Variants in LRP2 observed in about 807,000 individuals in gnomAD.
LRP2 encodes LDL receptor related protein 2.
Under a neutral mutation model 531.0 loss-of-function variants are expected in LRP2, and 172 were observed. That is an observed-to-expected ratio of 0.32 (90% CI 0.29 to 0.37). The LOEUF is 0.37. LRP2 is among the 10% of genes least tolerant of loss of function. LRP2 has a pLI of 1.00. For missense variants in LRP2, 5,167 were observed against 5,868.3 expected (o/e 0.88, Z 3.90); for synonymous variants, 1,992 against 2,027.6 (o/e 0.98, Z 0.47).
chr2:169,139,165 A>G (rs1685627380), intron 74 of LRP2, 86 bp downstream of exon 74: 1 of 1,597,578 alleles, frequency 6.3e-7, no homozygotes, highest in African/African-American at 1.3e-5. Flanking sequence ...TGCTTTTTTA[A>G]CTTAGAAAGA....
chr2:169,275,917 A>T (rs1683540577), intron 13 of LRP2, among the ~76,000 whole-genome samples: 1 of 152,110 alleles, frequency 6.6e-6, no homozygotes, highest in Non-Finnish European at 1.5e-5. Context: ...GCCCCCCGTG[A>T]CTATGTCTCC....
chr2:169,259,871 A>G (rs1690476934), intron 16 of LRP2, among the ~76,000 whole-genome samples: 1 of 152,066 alleles, frequency 6.6e-6, no homozygotes, highest in African/African-American at 2.4e-5. Flanking sequence ...TTGCAGTAGG[A>G]AGAAAAAATC....
chr2:169,194,042 A>C, intron 46 of LRP2, 150 bp from the exon 47 acceptor site: 1 of 830,912 alleles, frequency 1.2e-6, no homozygotes, highest in Admixed American at 2.0e-5. Flanking sequence ...CAATAAGACT[A>C]GTACCAGCGA....
intron 1 of LRP2, among the ~76,000 whole-genome samples, chr2:169,328,259 G>T (rs1574262891): frequency 8.8e-6 from 1 of 113,476 alleles, no homozygotes; most frequent in Admixed American, 8.3e-5. Context: ...CGCCCCGCCC[G>T]GCCAGCCGCC....
In LRP2 at chr2:169,231,845, G is replaced by A. The variant is rs766473797; in HGVS notation, c.5099-3C>T. ...GGAAAAGGCACATGGATTCACGGCTGCATGAGAAAGAGAAGAAAGCACCAG... is the reference window on the plus strand; with the variant it reads ...GGAAAAGGCACATGGATTCACGGCTACATGAGAAAGAGAAGAAAGCACCAG... On this transcript the variant is annotated splice_region_variant and splice_polypyrimidine_tract_variant and intron_variant, in intron 30 of 78. Transcript: ENST00000649046. The A allele has an allele frequency of 9.3e-6, 15 of 1,613,888 alleles. 1 individual carries two copies. The East Asian group carries it at 3.1e-4, about 34-fold the overall frequency.
At chr2:169,174,270 G>C in intron 55 of LRP2, 106 bp from the exon 56 acceptor site, 3 of 1,402,946 alleles carry the variant, frequency 2.1e-6, no homozygotes, top group Non-Finnish European at 3.0e-6. Context: ...TCTTTTTAGA[G>C]GACTTATTTC....
At chr2:169,268,104 G>T (rs62173962) in intron 16 of LRP2, among the ~76,000 whole-genome samples, 6,643 of 152,214 alleles carry the variant, frequency 0.044, 195 homozygotes, top group South Asian at 0.11. Context: ...TGAAATTGAG[G>T]CAATAATTAA....
intron 16 of LRP2, among the ~76,000 whole-genome samples, chr2:169,267,810 T>G (rs1303437350): frequency 6.6e-6 from 1 of 151,972 alleles, no homozygotes; most frequent in Non-Finnish European, 1.5e-5. Context: ...AATCAATGAA[T>G]CCAGGAGCTG....
chr2:169,182,488 G>C, intron 50 of LRP2, 169 bp from the exon 51 acceptor site: 1 of 1,513,220 alleles, frequency 6.6e-7, no homozygotes, highest in Non-Finnish European at 8.8e-7. Context: ...TCTTCCTGCA[G>C]TGAGGCAACA....
chr2:169,157,808 ACT>A (rs1023805556), intron 63 of LRP2, among the ~76,000 whole-genome samples: 1 of 151,902 alleles, frequency 6.6e-6, no homozygotes, highest in Non-Finnish European at 1.5e-5. Flanking sequence ...GAAGCCTGAC[ACT>A]CTACAGCTAT....
chr2:169,266,427 A>G (rs1690803159), intron 16 of LRP2, among the ~76,000 whole-genome samples: 1 of 152,012 alleles, frequency 6.6e-6, no homozygotes, highest in South Asian at 2.1e-4. Context: ...ATAAAATGAT[A>G]TCCAACATTT....
chr2:169,255,546 G>A (rs149691909), intron 19 of LRP2, among the ~76,000 whole-genome samples: 1 of 152,242 alleles, frequency 6.6e-6, no homozygotes, highest in Non-Finnish European at 1.5e-5. Context: ...ATGTCTTGCT[G>A]TTCTTCATAA....
intron 18 of LRP2, among the ~76,000 whole-genome samples, chr2:169,256,502 A>C (rs185581434): frequency 3.3e-5 from 5 of 152,156 alleles, no homozygotes; most frequent in African/African-American, 1.2e-4. Context: ...CTCCTTGTGA[A>C]ATCAACAAGT....
At chr2:169,240,726 G>A (rs528684768) in intron 25 of LRP2, 1 of 575,582 alleles carries the variant, frequency 1.7e-6, no homozygotes, top group African/African-American at 1.9e-5. Context: ...CAATCTAATG[G>A]CCTCAATTTA....
intron 1 of LRP2, among the ~76,000 whole-genome samples, chr2:169,333,559 T>C (rs1329930678): frequency 6.6e-6 from 1 of 152,110 alleles, no homozygotes; most frequent in Non-Finnish European, 1.5e-5. Context: ...GTACTTCTTA[T>C]CCTACAATCA....
At chr2:169,323,277 G>A (rs1301370592) in intron 1 of LRP2, among the ~76,000 whole-genome samples, 1 of 152,102 alleles carries the variant, frequency 6.6e-6, no homozygotes, top group Non-Finnish European at 1.5e-5. Flanking sequence ...TAACTTCGAT[G>A]CCTGTTTATA....
At chr2:169,350,551 C>T (rs1685819426) in intron 1 of LRP2, among the ~76,000 whole-genome samples, 1 of 151,696 alleles carries the variant, frequency 6.6e-6, no homozygotes, top group African/African-American at 2.4e-5. Flanking sequence ...TGGCAAAACC[C>T]CATCTCTACA....
chr2:169,220,363 G>A (rs1457246892), intron 34 of LRP2, 91 bp downstream of exon 34: 3 of 909,010 alleles, frequency 3.3e-6, no homozygotes, highest in Non-Finnish European at 5.5e-6. Flanking sequence ...ATCAGAAGAT[G>A]TCCTAAATTT....
chr2:169,187,888 T>A, intron 49 of LRP2, 82 bp downstream of exon 49: 7 of 1,431,210 alleles, frequency 4.9e-6, no homozygotes, highest in Non-Finnish European at 6.9e-6. Flanking sequence ...GAGGACAGGT[T>A]GGAAAGTCTA....
Sources: allele counts gnomAD v4.1 joint callset (sites outside exome capture counted in the v4.1 genomes callset), GRCh38; gene constraint gnomAD v4.1.1; transcripts MANE v1.5; gene names NCBI Gene and HGNC (gene_info 2026-07-23, HGNC 2026-07-21).